Variants in CFAP77 observed in about 807,000 individuals in gnomAD.
CFAP77 encodes cilia and flagella associated protein 77.
A neutral mutation model predicts 31.1 loss-of-function variants in CFAP77; 25 were observed. The observed-to-expected ratio is 0.80, with a 90% CI of 0.59 to 1.12. The LOEUF (loss-of-function observed/expected upper bound fraction) is 1.12. Ranked by LOEUF, CFAP77 falls within the 50% of genes most tolerant of loss-of-function variation. The pLI is 0.00. For missense variants in CFAP77, 377 were observed against 397.3 expected, an observed-to-expected ratio of 0.95 and a Z score of 0.44; for synonymous variants, 151 against 159.9, an observed-to-expected ratio of 0.94 and a Z score of 0.42.
At chr9:132,542,916 A>T (rs374197369) in intron 4 of CFAP77, 30 bp from the exon 5 acceptor site, 5 of 1,568,890 alleles carry the variant, frequency 3.2e-6, no homozygotes, top group South Asian at 1.1e-5. Context: ...CCGGGCAACC[A>T]TCTCACCTTT....
At chr9:132,475,812 A>G (rs1234592313) in intron 1 of CFAP77, among the ~76,000 whole-genome samples, 1 of 151,994 alleles carries the variant, frequency 6.6e-6, no homozygotes, top group Non-Finnish European at 1.5e-5. Context: ...CCTCTACCCC[A>G]TCCTGTGCGC....
chr9:132,534,448 T>C (rs1852510671), intron 3 of CFAP77, among the ~76,000 whole-genome samples: 2 of 151,876 alleles, frequency 1.3e-5, no homozygotes, highest in African/African-American at 4.8e-5. Flanking sequence ...CCACCTCTAC[T>C]AAAAATATGA....
At chr9:132,471,776 A>G (rs1293888244) in intron 1 of CFAP77, among the ~76,000 whole-genome samples, 1 of 152,048 alleles carries the variant, frequency 6.6e-6, no homozygotes, top group Non-Finnish European at 1.5e-5. Context: ...TCATGACTCA[A>G]TGCAGCCTCG....
rs1829865198 is a variant in CFAP77 at position 132,564,907 on chromosome 9, G to A, written c.733-7481G>A. Among the ~76,000 whole-genome samples the A allele has an allele frequency of 6.6e-6, 1 of 152,102 alleles. No homozygotes were observed. Among genetic ancestry groups the A allele is most frequent in the Non-Finnish European group, 1.5e-5 (1 of 68,012 alleles). On this transcript the variant is annotated intron_variant, in intron 5 of 5. Transcript: ENST00000393216. The surrounding 1 kb of genome is among the most constrained non-coding windows in gnomAD (Gnocchi z 4.6). Reference sequence around the variant, plus strand: ...CTGAGGAAGGGGCCTGCTGTCTGGCGGCTGGTCTCAGCTCTGCCCAGGACT... The same window carrying A: ...CTGAGGAAGGGGCCTGCTGTCTGGCAGCTGGTCTCAGCTCTGCCCAGGACT...
At position 132,499,275 on chromosome 9, in the gene CFAP77, C is replaced by A; in HGVS notation, c.296-97C>A. On this transcript the variant is annotated intron_variant, in intron 2 of 5. Coordinates refer to ENST00000393216, the MANE Select transcript of CFAP77 (RefSeq NM_001282957.2). The surrounding 1 kb of genome is among the most constrained non-coding windows in gnomAD (Gnocchi z 5.4). ...CAGTAGGCTCAGGTAAATGGGAAGGCCGAGGACCCGCGTGCCCCCATTTCT... is the reference window on the plus strand; with the variant it reads ...CAGTAGGCTCAGGTAAATGGGAAGGACGAGGACCCGCGTGCCCCCATTTCT... The A allele has an allele frequency of 9.2e-7, 1 of 1,090,924 alleles. No individual in the cohort carries two copies. The highest frequency in any genetic ancestry group is 1.3e-6 in the Non-Finnish European group (1 of 747,018). The allele number at this position is 1,090,924 out of a possible 1,614,324, so 67.6% of individuals were successfully genotyped here. A position where few individuals can be genotyped will look rare whatever the true frequency, so the allele number is the denominator to read the frequency against.
At chr9:132,442,331 A>G (rs1316226784) in intron 1 of CFAP77, among the ~76,000 whole-genome samples, 1 of 152,330 alleles carries the variant, frequency 6.6e-6, no homozygotes, top group African/African-American at 2.4e-5. Flanking sequence ...CACACAAATC[A>G]CTTGAGCACA....
Position 132,415,411 on chromosome 9 carries a change from C to G in CFAP77, c.195+4945C>G, listed in dbSNP as rs535388900. ...GCCATTTCAGAAAGCCGAGCTGCCCCCTTCACCGGCTCGTCACCACCCTGG... is the reference window on the plus strand; with the variant it reads ...GCCATTTCAGAAAGCCGAGCTGCCCGCTTCACCGGCTCGTCACCACCCTGG... On this transcript the variant is annotated intron_variant, in intron 1 of 5. Coordinates refer to ENST00000393216, the MANE Select transcript of CFAP77 (RefSeq NM_001282957.2). 2.0e-5 allele frequency among the ~76,000 whole-genome samples: 3 copies of G among 152,348 alleles called. No homozygotes were observed. The South Asian group carries it at 6.2e-4, about 32-fold the overall frequency.
chr9:132,420,834 C>T (rs201811060), intron 1 of CFAP77, among the ~76,000 whole-genome samples: 63 of 152,198 alleles, frequency 4.1e-4, no homozygotes, highest in Middle Eastern at 3.4e-3. Context: ...GAAGAGCTTA[C>T]AATCTAGCAG....
chr9:132,464,069 A>T (rs1360866652), intron 1 of CFAP77, among the ~76,000 whole-genome samples: 16 of 152,208 alleles, frequency 1.1e-4, no homozygotes, highest in African/African-American at 3.9e-4. Flanking sequence ...GCTTACAGTG[A>T]ACGTCTCCAT....
chr9:132,561,661 A>ACACACC (rs1247071368), intron 5 of CFAP77, among the ~76,000 whole-genome samples: 16 of 46,460 alleles, frequency 3.4e-4, no homozygotes, highest in Non-Finnish European at 4.7e-4. Flanking sequence ...ACACACACAC[A>ACACACC]CCCCCTCCAT....
intron 1 of CFAP77, among the ~76,000 whole-genome samples, chr9:132,434,010 G>A (rs1850461666): frequency 6.6e-6 from 1 of 151,468 alleles, no homozygotes; most frequent in African/African-American, 2.4e-5. Flanking sequence ...ATGGTGGCAT[G>A]TGCCTGTAGT....
chr9:132,568,187 G>C (rs565742752), intron 5 of CFAP77, among the ~76,000 whole-genome samples: 1 of 152,252 alleles, frequency 6.6e-6, no homozygotes, highest in Non-Finnish European at 1.5e-5. Context: ...GCTATTCAAG[G>C]GGTATAGTTT....
At chr9:132,486,085 TATA>T (rs1337476952) in intron 1 of CFAP77, among the ~76,000 whole-genome samples, 519 of 25,694 alleles carry the variant, frequency 0.02, 103 homozygotes, top group East Asian at 0.13. Context: ...TATATATATA[TATA>T]TATTTTTTTT....
chr9:132,459,738 G>A (rs1851010124), intron 1 of CFAP77, among the ~76,000 whole-genome samples: 1 of 147,294 alleles, frequency 6.8e-6, no homozygotes, highest in Non-Finnish European at 1.5e-5. Context: ...GTGTATATGT[G>A]TGTGAGTGTG....
At chr9:132,541,462 G>A (rs1287076654) in intron 4 of CFAP77, among the ~76,000 whole-genome samples, 3 of 152,206 alleles carry the variant, frequency 2.0e-5, no homozygotes, top group African/African-American at 2.4e-5. Context: ...GGTGGCTCAC[G>A]CCTGAAATCC....
At chr9:132,510,747 T>A (rs1852022352) in intron 3 of CFAP77, among the ~76,000 whole-genome samples, 1 of 152,100 alleles carries the variant, frequency 6.6e-6, no homozygotes, top group Admixed American at 6.5e-5. Context: ...ATCAGTCCCG[T>A]CGGAGGCCAG....
intron 1 of CFAP77, among the ~76,000 whole-genome samples, chr9:132,436,570 C>T (rs1287843690): frequency 2.0e-5 from 3 of 152,162 alleles, no homozygotes; most frequent in African/African-American, 7.2e-5. Flanking sequence ...AAGAATTTCT[C>T]TTCCTAGTTT....
chr9:132,549,290 C>T (rs1198329711), intron 5 of CFAP77, among the ~76,000 whole-genome samples: 3 of 152,332 alleles, frequency 2.0e-5, no homozygotes, highest in East Asian at 1.9e-4. Context: ...GCCAGATCTA[C>T]GGCCCCTCCC....
intron 1 of CFAP77, among the ~76,000 whole-genome samples, chr9:132,452,657 A>G (rs1441581384): frequency 1.3e-5 from 2 of 152,140 alleles, no homozygotes; most frequent in Admixed American, 1.3e-4. Flanking sequence ...GCAACTAAGA[A>G]TCAGGACTAG....
Sources: allele counts gnomAD v4.1 joint callset (sites outside exome capture counted in the v4.1 genomes callset), GRCh38; gene constraint gnomAD v4.1.1; non-coding constraint Gnocchi (gnomAD v3.1); transcripts MANE v1.5; gene names NCBI Gene and HGNC (gene_info 2026-07-23, HGNC 2026-07-21).